The following CILK1 variants were observed in gnomAD, a reference collection of about 807,000 sequenced individuals.
CILK1 encodes the protein ciliogenesis associated kinase 1, also known as serine/threonine-protein kinase ICK.
In CILK1, 47 loss-of-function variants were observed where a neutral mutation model predicts 79.2. The ratio of observed to expected loss-of-function variants is 0.59; its 90% CI spans 0.47 to 0.76. CILK1 has a LOEUF of 0.76. Among genes scored for constraint, CILK1 ranks in the 30% least tolerant of loss-of-function variants. The probability of loss-of-function intolerance (pLI) is 0.00; values close to 1 mark genes in which losing one functional copy is unlikely to be tolerated. For missense variants in CILK1, 660 were observed against 769.5 expected, an observed-to-expected ratio of 0.86 and a Z score of 1.68; for synonymous variants, 266 against 275.9, an observed-to-expected ratio of 0.96 and a Z score of 0.36.
intron 5 of CILK1, among the ~76,000 whole-genome samples, chr6:53,029,717 C>G (rs1008382967): frequency 1.3e-5 from 2 of 152,136 alleles, no homozygotes; most frequent in Non-Finnish European, 2.9e-5. Flanking sequence ...CATATTGAGA[C>G]CTTCTCTTAA....
intron 1 of CILK1, among the ~76,000 whole-genome samples, chr6:53,051,579 CCT>C (rs1259331286): frequency 6.6e-6 from 1 of 152,178 alleles, no homozygotes; most frequent in African/African-American, 2.4e-5. Context: ...TTTAAATCTT[CCT>C]CTGTCTCTAG....
chr6:53,058,566 G>T (rs1466900685), intron 1 of CILK1, among the ~76,000 whole-genome samples: 1 of 151,978 alleles, frequency 6.6e-6, no homozygotes, highest in African/African-American at 2.4e-5. Context: ...CTCTGTTTGC[G>T]CATTCTCCCT....
chr6:53,026,570 G>A (rs1007717672), intron 5 of CILK1, among the ~76,000 whole-genome samples: 1 of 152,204 alleles, frequency 6.6e-6, no homozygotes, highest in Non-Finnish European at 1.5e-5. Context: ...TAGGGAGGCA[G>A]ACATGGCTCC....
rs1766463751 is a variant in CILK1 at position 53,037,947 on chromosome 6, C to A, written c.148G>T (p.Glu50Ter). The part of the protein sequence containing the change: ...YSWEECMNLR[E>*]VKSLKKLNHA... Reference sequence around the variant, plus strand: ...GGTATATTAATATATACCTTAACCTCCCGAAGGTTCATGCATTCCTCCCAG... The same window carrying A: ...GGTATATTAATATATACCTTAACCTACCGAAGGTTCATGCATTCCTCCCAG... Residue 50 changes from glutamate (E) to a stop codon, truncating the protein, a stop_gained, in exon 3 of 14, where the codon GAG becomes TAG. Transcript: ENST00000676107. LOFTEE classifies it high-confidence loss of function. The A allele has an allele frequency of 6.3e-7, 1 of 1,579,216 alleles. No individual in the cohort carries two copies. Among genetic ancestry groups the A allele is most frequent in the African/African-American group, 1.3e-5 (1 of 74,164 alleles).
At chr6:53,005,346 A>G in intron 13 of CILK1, 43 bp from the exon 14 acceptor site, 2 of 1,605,988 alleles carry the variant, frequency 1.2e-6, no homozygotes, top group South Asian at 1.1e-5. Context: ...TATGGGGCCA[A>G]TGTAAGCAAA....
intron 9 of CILK1, 86 bp downstream of exon 9, chr6:53,013,576 C>G (rs1365338948): frequency 7.5e-7 from 1 of 1,334,400 alleles, no homozygotes; most frequent in Non-Finnish European, 1.1e-6. Context: ...ACCCTGTATA[C>G]TGAAAAAGAA....
intron 1 of CILK1, among the ~76,000 whole-genome samples, chr6:53,042,244 G>T (rs1766769202): frequency 6.6e-6 from 1 of 152,140 alleles, no homozygotes; most frequent in African/African-American, 2.4e-5. Context: ...ATTATGCTTG[G>T]AAAGTAAATT....
In CILK1 at chr6:53,004,897, T is replaced by G. The variant is rs1016337713; in HGVS notation, c.*252A>C. On this transcript the variant is annotated 3_prime_UTR_variant, in exon 14 of 14. Coordinates refer to ENST00000676107, the MANE Select transcript of CILK1 (RefSeq NM_014920.5). ...AACATAATCCATATATACAAAATGCTGTTGTTTAAGAAAATAATGGGACCC... is the reference window on the plus strand; with the variant it reads ...AACATAATCCATATATACAAAATGCGGTTGTTTAAGAAAATAATGGGACCC... 4.9e-6 allele frequency: 2 copies of G among 411,026 alleles called. No homozygotes were observed. The highest frequency in any genetic ancestry group is 4.0e-5 in the African/African-American group (2 of 50,094). The allele number at this position is 411,026 out of a possible 1,614,324, so 25.5% of individuals were successfully genotyped here.
intron 5 of CILK1, among the ~76,000 whole-genome samples, chr6:53,024,173 GCCATTGTAC>G (rs1417669800): frequency 6.6e-6 from 1 of 152,132 alleles, no homozygotes; most frequent in Non-Finnish European, 1.5e-5. Flanking sequence ...TCTTTATCCT[GCCATTGTAC>G]TGGTACACAC....
Position 53,005,277 on chromosome 6 carries a change from G to A in CILK1, c.1771C>T (p.Pro591Ser), listed in dbSNP as rs1332950498. The change falls in exon 14 of 14, where the codon CCT becomes TCT. Residue 591 changes from proline (P) to serine (S), a missense_variant. By Grantham distance (74) the Pro-to-Ser change is moderately conservative. Coordinates refer to ENST00000676107, the MANE Select transcript of CILK1 (RefSeq NM_014920.5). ...PGYSSLKAMR[P>S]HPGRPFFHTQ... Reference sequence around the variant, plus strand: ...TGGAAGAATGGTCGCCCAGGATGAGGTCTCATGGCCTTCAGGGAGGAATAA... The same window carrying A: ...TGGAAGAATGGTCGCCCAGGATGAGATCTCATGGCCTTCAGGGAGGAATAA... 1 of 1,614,210 alleles carries A rather than the reference G, an allele frequency of 6.2e-7. No homozygotes were observed. The highest frequency in any genetic ancestry group is 8.5e-7 in the Non-Finnish European group (1 of 1,180,038).
At chr6:53,026,793 TA>T (rs1302471753) in intron 5 of CILK1, among the ~76,000 whole-genome samples, 1 of 152,240 alleles carries the variant, frequency 6.6e-6, no homozygotes, top group Non-Finnish European at 1.5e-5. Context: ...TCTATTATGA[TA>T]AGAACCTTCC....
rs78832128 is a variant in CILK1 at position 53,059,834 on chromosome 6, A to G, written c.-173+1762T>C. Among the ~76,000 whole-genome samples, 931 of 152,374 alleles carry G rather than the reference A, an allele frequency of 6.1e-3. 5 individuals carry two copies. The highest frequency in any genetic ancestry group is 9.2e-3 in the Non-Finnish European group (628 of 68,040). ...TCATTTTAAAGATTAGACAGGCAAT[A>G]GAACACTGAAAAGACCAGAGGGATG... On this transcript the variant is annotated intron_variant, in intron 1 of 13. Transcript: ENST00000676107.
chr6:53,018,545 CA>C (rs1765029192), intron 6 of CILK1, 44 bp from the exon 7 acceptor site: 1 of 1,569,170 alleles, frequency 6.4e-7, no homozygotes, highest in East Asian at 2.2e-5. Context: ...TTCCACCACT[CA>C]GACATTAAAT....
At chr6:53,036,021 A>C (rs768312532) in intron 3 of CILK1, among the ~76,000 whole-genome samples, 35 of 152,294 alleles carry the variant, frequency 2.3e-4, no homozygotes, top group Non-Finnish European at 4.6e-4. Context: ...AGGCAAGGAA[A>C]GAGTGGGAGT....
chr6:53,011,255 A>G (rs558125184), intron 11 of CILK1, among the ~76,000 whole-genome samples: 2 of 152,208 alleles, frequency 1.3e-5, no homozygotes, highest in East Asian at 1.9e-4. Flanking sequence ...GGCTGGACCC[A>G]GTTTCCTATA....
intron 8 of CILK1, 195 bp downstream of exon 8, chr6:53,015,888 T>C: frequency 1.7e-6 from 1 of 579,494 alleles, no homozygotes; most frequent in Non-Finnish European, 3.1e-6. Flanking sequence ...AGCAACTATA[T>C]TGTTTACATT....
intron 1 of CILK1, among the ~76,000 whole-genome samples, chr6:53,052,700 C>T (rs1356139019): frequency 1.3e-5 from 2 of 151,394 alleles, no homozygotes; most frequent in Non-Finnish European, 2.9e-5. Context: ...CACTGTACTC[C>T]ACCCTGGGAC....
rs753592574 is a variant in CILK1, at chr6:53,041,271, G to A, written c.-35C>T. The A allele has an allele frequency of 6.6e-7, 1 of 1,507,412 alleles. No homozygotes were observed. The highest frequency in any genetic ancestry group is 1.1e-5 in the South Asian group (1 of 88,988). 93.4% of individuals were successfully genotyped at this position (1,507,412 alleles called of 1,614,324 possible). A position where few individuals can be genotyped will look rare whatever the true frequency, so the allele number is the denominator to read the frequency against. ...GCTCAGGCCGGACACTCATCTCACG[G>A]CCGAAGTGGTTCAGTTCTGCAGTGG... On this transcript the variant is annotated 5_prime_UTR_variant, in exon 2 of 14. Coordinates refer to ENST00000676107, the MANE Select transcript of CILK1 (RefSeq NM_014920.5).
chr6:53,059,149 C>A (rs2127476966), intron 1 of CILK1, among the ~76,000 whole-genome samples: 1 of 152,308 alleles, frequency 6.6e-6, no homozygotes, highest in South Asian at 2.1e-4. Flanking sequence ...AAGGGATAAG[C>A]AGACCTTTAT....
Sources: gnomAD v4.1 joint callset for allele counts (sites outside exome capture counted in the v4.1 genomes callset) on GRCh38, gnomAD v4.1.1 for gene constraint, MANE v1.5 for transcripts, NCBI Gene and HGNC (gene_info 2026-07-23, HGNC 2026-07-21) for gene names.